The following SMAGP variants were observed in gnomAD, a reference collection of about 807,000 sequenced individuals.
SMAGP encodes small cell adhesion glycoprotein, also known as small cell transmembrane and glycosylated protein.
A neutral mutation model predicts 10.1 loss-of-function variants in SMAGP; 7 were observed. The observed-to-expected ratio is 0.70, with a 90% CI of 0.40 to 1.31. The LOEUF (loss-of-function observed/expected upper bound fraction) is 1.31. Among genes scored for constraint, SMAGP ranks in the 50% most tolerant of loss-of-function variants. The pLI, the probability that SMAGP is intolerant of heterozygous loss-of-function variation, is 0.01. For missense variants in SMAGP, 113 were observed against 116.5 expected (o/e 0.97, Z 0.14); for synonymous variants, 49 against 47.2 (o/e 1.04, Z -0.16).
chr12:51,268,132 C>T (rs972318732), intron 2 of SMAGP, among the ~76,000 whole-genome samples: 3 of 152,118 alleles, frequency 2.0e-5, no homozygotes, highest in Admixed American at 6.6e-5. Flanking sequence ...CTCCGCACAC[C>T]TTCAGGGAAC....
chr12:51,262,325 C>A (rs1032336085), intron 2 of SMAGP, among the ~76,000 whole-genome samples: 2 of 150,684 alleles, frequency 1.3e-5, no homozygotes, highest in African/African-American at 4.9e-5. Flanking sequence ...ACAAAAAATA[C>A]AAAAATTAAC....
At chr12:51,256,741 C>CAAACAA (rs1555167103) in intron 2 of SMAGP, among the ~76,000 whole-genome samples, 17 of 145,788 alleles carry the variant, frequency 1.2e-4, no homozygotes, top group Non-Finnish European at 1.9e-4. Flanking sequence ...AACAAACAAA[C>CAAACAA]AAAAAAAACA....
chr12:51,257,643 A>G (rs994625660), intron 2 of SMAGP, among the ~76,000 whole-genome samples: 2 of 151,940 alleles, frequency 1.3e-5, no homozygotes, highest in Non-Finnish European at 2.9e-5. Flanking sequence ...CTCCCAGGTT[A>G]TAATGATTCT....
intron 2 of SMAGP, among the ~76,000 whole-genome samples, chr12:51,249,610 A>G (rs1035549943): frequency 6.6e-6 from 1 of 151,802 alleles, no homozygotes; most frequent in African/African-American, 2.4e-5. Context: ...GAGTTTGTCT[A>G]GAACAGTTAT....
intron 2 of SMAGP, among the ~76,000 whole-genome samples, chr12:51,248,103 C>G (rs1038441017): frequency 1.4e-5 from 2 of 147,318 alleles, no homozygotes; most frequent in South Asian, 4.2e-4. Context: ...GCATGACTCC[C>G]GTCCAGTGCC....
At chr12:51,265,162 C>A (rs567369703) in intron 2 of SMAGP, among the ~76,000 whole-genome samples, 2 of 152,214 alleles carry the variant, frequency 1.3e-5, no homozygotes, top group East Asian at 3.9e-4. Flanking sequence ...ATCAAAACCA[C>A]AATGAGATAC....
intron 2 of SMAGP, among the ~76,000 whole-genome samples, chr12:51,248,198 G>C (rs1414613720): frequency 6.6e-6 from 1 of 152,134 alleles, no homozygotes; most frequent in African/African-American, 2.4e-5. Flanking sequence ...GGGGCCAAGA[G>C]TGTTGAAGGG....
In SMAGP at chr12:51,267,199, C is replaced by T. The variant is rs560859184; in HGVS notation, c.34+2046G>A. Among the ~76,000 whole-genome samples, 103 of 152,254 alleles carry T rather than the reference C, an allele frequency of 6.8e-4. 1 individual carries two copies. Among genetic ancestry groups the T allele is most frequent in the African/African-American group, 2.3e-3 (94 of 41,550 alleles). On this transcript the variant is annotated intron_variant, in intron 2 of 3. Coordinates refer to ENST00000603798, the MANE Select transcript of SMAGP (RefSeq NM_001031628.2). ...ATCCCTCAGCTAGCTGCCAAGGTATCACCTTTTTTCCCTTGTGGGCAGGAT... is the reference window on the plus strand; with the variant it reads ...ATCCCTCAGCTAGCTGCCAAGGTATTACCTTTTTTCCCTTGTGGGCAGGAT...
chr12:51,248,757 G>A (rs1010221620), intron 2 of SMAGP, among the ~76,000 whole-genome samples: 11 of 151,968 alleles, frequency 7.2e-5, no homozygotes, highest in Admixed American at 2.6e-4. Flanking sequence ...GAAAGCTTCC[G>A]CATAGTTGAA....
At chr12:51,258,332 A>T (rs1944903416) in intron 2 of SMAGP, among the ~76,000 whole-genome samples, 2 of 152,206 alleles carry the variant, frequency 1.3e-5, no homozygotes, top group South Asian at 2.1e-4. Flanking sequence ...CTGTAATCCC[A>T]GCATTTTGGG....
intron 2 of SMAGP, among the ~76,000 whole-genome samples, chr12:51,266,904 C>T (rs1944979200): frequency 6.6e-6 from 1 of 152,084 alleles, no homozygotes; most frequent in East Asian, 1.9e-4. Context: ...TCACTTGAGG[C>T]CAGGAGTTTG....
intron 2 of SMAGP, among the ~76,000 whole-genome samples, chr12:51,250,500 G>T (rs1452918960): frequency 1.5e-4 from 13 of 88,014 alleles, no homozygotes; most frequent in East Asian, 3.0e-4. Flanking sequence ...TTGTTGTTGT[G>T]TTTTTTTTTT....
intron 2 of SMAGP, among the ~76,000 whole-genome samples, chr12:51,264,700 G>C (rs558173687): frequency 1.3e-5 from 2 of 151,116 alleles, no homozygotes; most frequent in East Asian, 3.9e-4. Flanking sequence ...GGGAGGCCAA[G>C]GCAGGCGGAT....
At chr12:51,246,948 T>A in intron 2 of SMAGP, 117 bp from the exon 3 acceptor site, 1 of 638,668 alleles carries the variant, frequency 1.6e-6, no homozygotes, top group South Asian at 2.3e-5. Context: ...GTTTATCATT[T>A]AACTCCTAGA....
intron 2 of SMAGP, among the ~76,000 whole-genome samples, chr12:51,265,815 G>A (rs964757373): frequency 1.3e-5 from 2 of 152,178 alleles, no homozygotes; most frequent in Non-Finnish European, 2.9e-5. Flanking sequence ...CCCAGGCCAG[G>A]CACTGGCCTG....
At chr12:51,248,900 C>CAAAAAAAAAAAAA (rs545881552) in intron 2 of SMAGP, among the ~76,000 whole-genome samples, 1 of 95,620 alleles carries the variant, frequency 1.0e-5, no homozygotes, top group African/African-American at 4.6e-5. Context: ...AAAAATACCA[C>CAAAAAAAAAAAAA]AAAAAAAAAA....
intron 2 of SMAGP, among the ~76,000 whole-genome samples, chr12:51,257,836 T>C (rs1325991930): frequency 3.3e-5 from 5 of 151,730 alleles, no homozygotes; most frequent in Admixed American, 3.3e-4. Context: ...TGAGCCACTG[T>C]GCCCAGCCTA....
At chr12:51,257,506 A>G (rs1442070893) in intron 2 of SMAGP, among the ~76,000 whole-genome samples, 1 of 151,418 alleles carries the variant, frequency 6.6e-6, no homozygotes, top group African/African-American at 2.4e-5. Flanking sequence ...GGCCAGGGCC[A>G]GGAGTTCAAG....
intron 2 of SMAGP, among the ~76,000 whole-genome samples, chr12:51,255,994 C>A (rs1357762247): frequency 2.0e-5 from 3 of 152,146 alleles, no homozygotes; most frequent in Admixed American, 6.6e-5. Flanking sequence ...TGGTCTTGAA[C>A]TCCTAACCTC....
Sources: gnomAD v4.1 joint callset for allele counts (sites outside exome capture counted in the v4.1 genomes callset) on GRCh38, gnomAD v4.1.1 for gene constraint, MANE v1.5 for transcripts, NCBI Gene and HGNC (gene_info 2026-07-23, HGNC 2026-07-21) for gene names.